CREB5: variants seen among roughly 807,000 people sequenced by gnomAD.
The protein encoded by CREB5 is cAMP responsive element binding protein 5.
In CREB5, 19 loss-of-function variants were observed where a neutral mutation model predicts 57.1. That is an observed-to-expected ratio of 0.33 (90% CI 0.23 to 0.49). The LOEUF (loss-of-function observed/expected upper bound fraction) is 0.49, where lower values mean the gene tolerates loss of function less well. Among genes scored for constraint, CREB5 ranks in the 20% least tolerant of loss-of-function variants. The probability of loss-of-function intolerance (pLI) is 0.99; values close to 1 mark genes in which losing one functional copy is unlikely to be tolerated. For missense variants in CREB5, 579 were observed against 671.6 expected (o/e 0.86, Z 1.52); for synonymous variants, 238 against 238.3 (o/e 1.00, Z 0.01).
rs1191261297 is a variant in CREB5, at chr7:28,821,147, T to TGTGA, written c.*1871_*1872insAGTG. 1.3e-5 allele frequency: 2 copies of TGTGA among 152,168 alleles called. No individual in the cohort carries two copies. Among genetic ancestry groups the TGTGA allele is most frequent in the African/African-American group, 4.8e-5 (2 of 41,260 alleles). 9.4% of individuals were successfully genotyped at this position (152,168 alleles called of 1,614,324 possible). The stretch of plus-strand genomic sequence containing the variant: ...CTTAATGTGTGTGTGTGTGTGTGTG[T>TGTGA]GTGTGTGTGTGTTCATGGGTTTTAA... On this transcript the variant is annotated 3_prime_UTR_variant, in exon 11 of 11. Transcript: ENST00000357727.
chr7:28,420,500 G>A (rs1041715759), intron 1 of CREB5, among the ~76,000 whole-genome samples: 4 of 152,156 alleles, frequency 2.6e-5, no homozygotes, highest in Non-Finnish European at 5.9e-5. Flanking sequence ...CTACTGAACT[G>A]TATACTTAAA....
At chr7:28,786,650 C>CCACCCT (rs1562640431) in intron 7 of CREB5, among the ~76,000 whole-genome samples, 1 of 152,108 alleles carries the variant, frequency 6.6e-6, no homozygotes, top group Admixed American at 6.5e-5. Context: ...GTCCTCCTCC[C>CCACCCT]GACTCTTATT....
intron 5 of CREB5, among the ~76,000 whole-genome samples, chr7:28,600,279 T>G (rs149910710): frequency 1.3e-5 from 2 of 152,238 alleles, no homozygotes; most frequent in Non-Finnish European, 2.9e-5. Context: ...AAATGGAGAA[T>G]GGGTGCAAAA....
intron 5 of CREB5, among the ~76,000 whole-genome samples, chr7:28,672,198 C>CACAT (rs1800085415): frequency 6.6e-6 from 1 of 151,586 alleles, no homozygotes; most frequent in Admixed American, 6.6e-5. Context: ...AACACACACA[C>CACAT]ACACACACAC....
rs1795161557 is a variant in CREB5 at position 28,560,901 on chromosome 7, C to CGCGTGCGTGTGTGTGT, written c.292-9461_292-9460insTGCGTGTGTGTGTGCG. Among the ~76,000 whole-genome samples the CGCGTGCGTGTGTGTGT allele has an allele frequency of 2.8e-4, 6 of 21,664 alleles. 1 individual carries two copies. The highest frequency in any genetic ancestry group is 2.4e-3 in the Admixed American group (4 of 1,638). 14.2% of individuals were successfully genotyped at this position (21,664 alleles called of 152,430 possible). ...GTGCGTGCGTGCGTGTGTGTGCGTG[C>CGCGTGCGTGTGTGTGT]GCGCGTGCGTGTGCGTGTGTGCGCG... On this transcript the variant is annotated intron_variant, in intron 4 of 10. Coordinates refer to ENST00000357727, the MANE Select transcript of CREB5 (RefSeq NM_182898.4).
At chr7:28,800,778 C>T (rs1214046638) in intron 7 of CREB5, among the ~76,000 whole-genome samples, 1 of 152,194 alleles carries the variant, frequency 6.6e-6, no homozygotes. Flanking sequence ...CTGGACCATT[C>T]GGCAATAACG....
At chr7:28,783,083 A>C (rs147516363) in intron 7 of CREB5, among the ~76,000 whole-genome samples, 10 of 152,308 alleles carry the variant, frequency 6.6e-5, no homozygotes, top group Non-Finnish European at 1.2e-4. Context: ...AGAGGTTCTA[A>C]CTGTTAGCAT....
At chr7:28,491,268 G>A (rs1791794575) in intron 2 of CREB5, 2 of 985,156 alleles carry the variant, frequency 2.0e-6, no homozygotes, top group East Asian at 1.1e-4. Context: ...GAAGGGGTGA[G>A]CATGCTGGTT....
At chr7:28,413,194 A>G (rs1328061581) in intron 1 of CREB5, among the ~76,000 whole-genome samples, 2 of 151,906 alleles carry the variant, frequency 1.3e-5, no homozygotes, top group East Asian at 3.9e-4. Context: ...GAAGCTATGG[A>G]GCATGTTAAG....
chr7:28,308,842 AT>A (rs893906091), intron 1 of CREB5, among the ~76,000 whole-genome samples: 4 of 152,200 alleles, frequency 2.6e-5, no homozygotes, highest in African/African-American at 9.6e-5. Context: ...TTATATGTCC[AT>A]TTGGCTGGGC....
chr7:28,706,176 G>A (rs938264511), intron 5 of CREB5, among the ~76,000 whole-genome samples: 7 of 152,130 alleles, frequency 4.6e-5, no homozygotes, highest in Non-Finnish European at 7.4e-5. Flanking sequence ...CCAACATGGC[G>A]AAACCCCATC....
chr7:28,638,264 GACACACACACACACAC>G (rs56956362), intron 5 of CREB5, among the ~76,000 whole-genome samples: 2 of 145,800 alleles, frequency 1.4e-5, no homozygotes, highest in South Asian at 4.4e-4. Context: ...AAAGAAACTA[GACACACACACACACAC>G]ACACACACAC....
At chr7:28,492,664 C>T (rs1226582182) in intron 2 of CREB5, among the ~76,000 whole-genome samples, 1 of 150,596 alleles carries the variant, frequency 6.6e-6, no homozygotes, top group Non-Finnish European at 1.5e-5. Flanking sequence ...CAAAAAATGG[C>T]TTATAGATAT....
intron 1 of CREB5, among the ~76,000 whole-genome samples, chr7:28,428,194 A>C (rs1281185937): frequency 6.6e-6 from 1 of 152,194 alleles, no homozygotes; most frequent in Non-Finnish European, 1.5e-5. Flanking sequence ...GGTGTGCTTG[A>C]GGAACTGCAA....
chr7:28,306,715 T>C lies in CREB5; in HGVS notation c.-25+7274T>C, dbSNP rs1212535701. On this transcript the variant is annotated intron_variant, in intron 1 of 9. Transcript: ENST00000396299. ...AGCTGGGACTACAGGCGCCCGCCAC[T>C]ATGCCCGGCTAATTTTTTGTATTTT... Among the ~76,000 whole-genome samples the C allele has an allele frequency of 4.4e-4, 66 of 151,696 alleles. 2 individuals carry two copies. The highest frequency in any genetic ancestry group is 1.4e-3 in the African/African-American group (59 of 41,160).
At chr7:28,377,299 C>A (rs1786851920) in intron 1 of CREB5, among the ~76,000 whole-genome samples, 1 of 151,968 alleles carries the variant, frequency 6.6e-6, no homozygotes, top group African/African-American at 2.4e-5. Flanking sequence ...GGAAAATACA[C>A]ACAAGATTTC....
intron 7 of CREB5, among the ~76,000 whole-genome samples, chr7:28,767,996 G>A (rs1457795818): frequency 6.6e-6 from 1 of 152,088 alleles, no homozygotes; most frequent in Non-Finnish European, 1.5e-5. Context: ...TTTGAAAATT[G>A]GTCTAAGATC....
intron 1 of CREB5, among the ~76,000 whole-genome samples, chr7:28,464,025 C>A (rs1445820145): frequency 6.6e-6 from 1 of 152,116 alleles, no homozygotes; most frequent in Non-Finnish European, 1.5e-5. Flanking sequence ...CAGTGTTACA[C>A]AAATGTGATA....
At chr7:28,549,767 C>T (rs1794552328) in intron 4 of CREB5, among the ~76,000 whole-genome samples, 1 of 152,048 alleles carries the variant, frequency 6.6e-6, no homozygotes. Flanking sequence ...CATGAGAAAC[C>T]TAATACAGAG....
Sources: allele counts gnomAD v4.1 joint callset (sites outside exome capture counted in the v4.1 genomes callset), GRCh38; gene constraint gnomAD v4.1.1; transcripts MANE v1.5; gene names NCBI Gene and HGNC (gene_info 2026-07-23, HGNC 2026-07-21).